Variants in SH3YL1 observed in about 807,000 individuals in gnomAD.
SH3YL1 encodes the protein SH3 and SYLF domain containing 1.
Under a neutral mutation model 45.8 loss-of-function variants are expected in SH3YL1, and 41 were observed. The observed-to-expected ratio is 0.89, with a 90% confidence interval of 0.70 to 1.16. SH3YL1 has a LOEUF of 1.16. SH3YL1 is among the 50% of genes most tolerant of loss of function. The pLI is 0.00. For missense variants in SH3YL1, 389 were observed against 409.6 expected, an observed-to-expected ratio of 0.95 and a Z score of 0.43; for synonymous variants, 152 against 151.4, an observed-to-expected ratio of 1.00 and a Z score of -0.03.
intron 1 of SH3YL1, chr2:263,376 AAAG>A (rs1260241539): frequency 6.5e-6 from 1 of 154,514 alleles, no homozygotes; most frequent in African/African-American, 2.4e-5. Context: ...ACACTTCCTT[AAAG>A]AAGGAAAAAC....
At position 218,953 on chromosome 2, in the gene SH3YL1, C is replaced by T; in HGVS notation, c.887G>A (p.Gly296Glu). The T allele has an allele frequency of 6.2e-7, 1 of 1,613,938 alleles. No individual in the cohort carries two copies. Among genetic ancestry groups the T allele is most frequent in the Non-Finnish European group, 8.5e-7 (1 of 1,179,926 alleles). ...AAAATTCAAATCCCCAGGCTGCTGT[C>T]CTTCAAATGAATACAGCGCTGTCAC... is the stretch of plus-strand genomic sequence containing the variant. ...IEVTALYSFE[G>E]QQPGDLNFQA... is the part of the protein sequence containing the mutation. Residue 296 changes from glycine to glutamate, a missense_variant, in exon 10 of 10, where the codon GGA becomes GAA. Transcript: ENST00000356150.
At chr2:262,727 T>C in intron 1 of SH3YL1, 1 of 1,279,184 alleles carries the variant, frequency 7.8e-7, no homozygotes. Flanking sequence ...CCTATGTTTG[T>C]GTTGACATGC....
rs114574745 is a variant in SH3YL1, at chr2:226,781, T to C, written c.782-1861A>G. On this transcript the variant is annotated intron_variant, in intron 8 of 9. Transcript: ENST00000356150. ...GTGTATATATGGTGGGGAGTGTATA[T>C]ATGGTGGGGAGTGTACATATACTGG... Among the ~76,000 whole-genome samples the C allele has an allele frequency of 5.3e-3, 804 of 151,938 alleles. 12 individuals are homozygous for C. The highest frequency in any genetic ancestry group is 0.018 in the African/African-American group (766 of 41,416).
intron 8 of SH3YL1, among the ~76,000 whole-genome samples, chr2:226,697 A>G (rs896437339): frequency 2.6e-5 from 4 of 152,140 alleles, no homozygotes; most frequent in Non-Finnish European, 5.9e-5. Flanking sequence ...GGGAATGTGT[A>G]TAGTGGGAAT....
At position 247,105 on chromosome 2, in the gene SH3YL1, TTTAC is replaced by T. The variant is rs1668853095; in HGVS notation, c.291+429_291+432del. 1.3e-5 allele frequency among the ~76,000 whole-genome samples: 2 copies of T among 152,336 alleles called. 1 individual carries two copies. The highest frequency in any genetic ancestry group is 1.3e-4 in the Admixed American group (2 of 15,308). On this transcript the variant is annotated intron_variant, in intron 4 of 9. Transcript: ENST00000356150. ...AAACTGAAATAACGTGAAGTTCTTC[TTTAC>T]TTAAAGAATGTGGAGGGATTTGAAT...
intron 4 of SH3YL1, among the ~76,000 whole-genome samples, chr2:245,001 A>G (rs1446593558): frequency 2.0e-5 from 3 of 152,140 alleles, no homozygotes; most frequent in African/African-American, 7.2e-5. Flanking sequence ...TGATGAGAAC[A>G]GCCTGAGGGA....
At chr2:255,783 AT>A (rs902359920) in intron 1 of SH3YL1, 3 of 152,196 alleles carry the variant, frequency 2.0e-5, no homozygotes, top group African/African-American at 7.2e-5. Flanking sequence ...AGAGGAAGGT[AT>A]TTCCACAGAT....
Position 257,302 on chromosome 2 carries a change from T to G in SH3YL1, c.2-4187A>C, listed in dbSNP as rs144405097. ...TTTGGCATCTTTATCATAAAATCTT[T>G]GCCAGCGATTATGTCCACAATGGAA... On this transcript the variant is annotated intron_variant, in intron 1 of 9. Coordinates refer to ENST00000356150, the MANE Select transcript of SH3YL1 (RefSeq NM_015677.4). Among the ~76,000 whole-genome samples the G allele has an allele frequency of 1.3e-3, 193 of 152,358 alleles. 1 individual carries two copies. The highest frequency in any genetic ancestry group is 1.6e-3 in the Non-Finnish European group (109 of 68,032).
chr2:231,049 C>G lies in SH3YL1; in HGVS notation c.676G>C (p.Ala226Pro). Residue 226 changes from alanine to proline, a missense_variant, in exon 7 of 10, where the codon GCA (alanine) becomes CCA (proline). Coordinates refer to ENST00000356150, the MANE Select transcript of SH3YL1 (RefSeq NM_015677.4). ...NEGQRINARK[A>P]AREQRKSSAK... ...GAAGACTTCCTCTGCTCCCTTGCTG[C>G]TTTTCTTGCATTGATTCGTTGTCCT... 1 of 1,614,114 alleles carries G rather than the reference C, an allele frequency of 6.2e-7. No homozygotes were observed. The highest frequency in any genetic ancestry group is 1.7e-5 in the Admixed American group (1 of 60,020).
At chr2:259,442 T>A (rs1027854371) in intron 1 of SH3YL1, 1 of 152,192 alleles carries the variant, frequency 6.6e-6, no homozygotes, top group African/African-American at 2.4e-5. Context: ...GAATTTGCTT[T>A]TTTTTCTGTT....
intron 7 of SH3YL1, 55 bp from the exon 8 acceptor site, chr2:230,099 G>A: frequency 7.3e-7 from 1 of 1,374,688 alleles, no homozygotes; most frequent in Non-Finnish European, 1.0e-6. Flanking sequence ...TTTTTACTTA[G>A]GCACATATAA....
At chr2:254,675 G>C (rs1669233517) in intron 1 of SH3YL1, among the ~76,000 whole-genome samples, 1 of 152,172 alleles carries the variant, frequency 6.6e-6, no homozygotes, top group African/African-American at 2.4e-5. Flanking sequence ...AGGCAAACCT[G>C]CCTCCCATTT....
At chr2:221,626 G>C (rs1037519246) in intron 9 of SH3YL1, among the ~76,000 whole-genome samples, 1 of 152,174 alleles carries the variant, frequency 6.6e-6, no homozygotes, top group South Asian at 2.1e-4. Flanking sequence ...GAAGGTCTGA[G>C]GGGGCCGGGA....
chr2:243,377 T>C, intron 4 of SH3YL1: 1 of 950,534 alleles, frequency 1.1e-6, no homozygotes, highest in Non-Finnish European at 1.5e-6. Flanking sequence ...ACAAGATAAA[T>C]TTGGGAAATT....
In SH3YL1 at chr2:218,723, AT is replaced by A. The variant is rs1667454560; in HGVS notation, c.*87del. 8.5e-7 allele frequency: 1 copy of A among 1,181,006 alleles called. No individual in the cohort carries two copies. The highest frequency in any genetic ancestry group is 1.6e-5 in the African/African-American group (1 of 64,222). The allele number at this position is 1,181,006 out of a possible 1,614,324, so 73.2% of individuals were successfully genotyped here. A position where few individuals can be genotyped will look rare whatever the true frequency, so the allele number is the denominator to read the frequency against. The stretch of plus-strand genomic sequence containing the variant: ...TTTTGTAGAACAGAAGTTTTTTAAA[AT>A]TTATATTAAACATTGCTTAACTAGT... On this transcript the variant is annotated 3_prime_UTR_variant, in exon 10 of 10. Transcript: ENST00000356150.
At chr2:252,700 GATTA>G (rs747670194) in intron 2 of SH3YL1, among the ~76,000 whole-genome samples, 6 of 152,210 alleles carry the variant, frequency 3.9e-5, no homozygotes, top group South Asian at 2.1e-4. Context: ...CACGTGCTGT[GATTA>G]ATTAAGAGGG....
At chr2:260,838 T>C (rs751629664) in intron 1 of SH3YL1, 1 of 152,246 alleles carries the variant, frequency 6.6e-6, no homozygotes, top group Non-Finnish European at 1.5e-5. Context: ...AATAAGCAAA[T>C]TCCTCAGTTG....
rs1447849090 is a variant in SH3YL1, at chr2:249,852, C to T, written c.113-8G>A. On this transcript the variant is annotated splice_polypyrimidine_tract_variant and splice_region_variant and intron_variant, in intron 2 of 9. Coordinates refer to ENST00000356150, the MANE Select transcript of SH3YL1 (RefSeq NM_015677.4). ...CCTTCGCAATTACGTGAGCTGTTAA[C>T]GTGGAAAACAATGGGAAGGTAAGCA... is the stretch of plus-strand genomic sequence containing the variant. 4 of 1,540,520 alleles carry T rather than the reference C, an allele frequency of 2.6e-6. No individual in the cohort carries two copies. The highest frequency in any genetic ancestry group is 1.2e-5 in the South Asian group (1 of 83,770).
In SH3YL1 at chr2:238,409, C is replaced by T. The variant is rs139621284; in HGVS notation, c.292-4137G>A. ...ACAGATCTTTTCCTTACATCCCATT[C>T]TTAGGGGGCTTAGAAACTGGACTCT... On this transcript the variant is annotated intron_variant, in intron 4 of 9. Coordinates refer to ENST00000356150, the MANE Select transcript of SH3YL1 (RefSeq NM_015677.4). Among the ~76,000 whole-genome samples the T allele has an allele frequency of 5.8e-4, 89 of 152,200 alleles. 1 individual carries two copies. Among genetic ancestry groups the T allele is most frequent in the Non-Finnish European group, 1.1e-3 (76 of 68,016 alleles).
Sources: gnomAD v4.1 joint callset for allele counts (sites outside exome capture counted in the v4.1 genomes callset) on GRCh38, gnomAD v4.1.1 for gene constraint, MANE v1.5 for transcripts, NCBI Gene and HGNC (gene_info 2026-07-23, HGNC 2026-07-21) for gene names.